TMEM117: variants seen among roughly 807,000 people sequenced by gnomAD.
TMEM117 encodes transmembrane protein 117.
A neutral mutation model predicts 52.4 loss-of-function variants in TMEM117; 27 were observed. The observed-to-expected ratio is 0.51, with a 90% CI of 0.38 to 0.71. The LOEUF (loss-of-function observed/expected upper bound fraction) is 0.71. TMEM117 is among the 30% of genes least tolerant of loss of function. The pLI is 0.00. For missense variants in TMEM117, 556 were observed against 630.5 expected, an observed-to-expected ratio of 0.88 and a Z score of 1.26; for synonymous variants, 215 against 206.3, an observed-to-expected ratio of 1.04 and a Z score of -0.36.
intron 6 of TMEM117, among the ~76,000 whole-genome samples, chr12:44,305,466 G>A (rs1404428558): frequency 2.0e-5 from 3 of 149,534 alleles, no homozygotes; most frequent in African/African-American, 7.4e-5. Context: ...GCAAAAAACA[G>A]ATAATCCCAT....
At chr12:43,814,341 G>T in the TMEM117 span, among the ~76,000 whole-genome samples, 54 of 152,152 alleles carry the variant, frequency 3.5e-4, no homozygotes, top group Middle Eastern at 6.8e-3. Context: ...ATTGGTTTTG[G>T]TGTTTCATCT....
At chr12:44,153,029 G>A (rs75740873) in intron 4 of TMEM117, among the ~76,000 whole-genome samples, 1,650 of 151,488 alleles carry the variant, frequency 0.011, 27 homozygotes, top group East Asian at 0.057. Context: ...ATGTTCAGGG[G>A]AGTCATTCGA....
intron 3 of TMEM117, among the ~76,000 whole-genome samples, chr12:43,956,330 G>A (rs1461530780): frequency 4.6e-5 from 7 of 152,116 alleles, no homozygotes; most frequent in Non-Finnish European, 1.0e-4. Flanking sequence ...CACAGTGAAT[G>A]AAACTATCAT....
chr12:44,261,087 G>A (rs1404234098), intron 5 of TMEM117, among the ~76,000 whole-genome samples: 1 of 152,046 alleles, frequency 6.6e-6, no homozygotes, highest in East Asian at 1.9e-4. Flanking sequence ...TTACATTAAT[G>A]CGTATTGGAT....
the TMEM117 span, among the ~76,000 whole-genome samples, chr12:43,808,190 G>T: frequency 3.6e-4 from 55 of 152,330 alleles, no homozygotes; most frequent in African/African-American, 1.3e-3. Context: ...CAACTTGGTT[G>T]TCACCTCTGC....
At chr12:43,970,721 G>A (rs756370879) in intron 3 of TMEM117, among the ~76,000 whole-genome samples, 17 of 152,134 alleles carry the variant, frequency 1.1e-4, no homozygotes, top group Non-Finnish European at 2.2e-4. Context: ...GGTTTCGGGC[G>A]TCCATTGGTG....
chr12:44,062,940 G>T (rs572100865), intron 3 of TMEM117, among the ~76,000 whole-genome samples: 1 of 152,170 alleles, frequency 6.6e-6, no homozygotes, highest in Non-Finnish European at 1.5e-5. Flanking sequence ...ATGACTTTAA[G>T]ATGTAAACCT....
chr12:43,916,144 T>C (rs1449642619), intron 2 of TMEM117, among the ~76,000 whole-genome samples: 3 of 152,140 alleles, frequency 2.0e-5, no homozygotes, highest in Non-Finnish European at 4.4e-5. Context: ...GGAGGGAGAA[T>C]GTTAGAAGGG....
chr12:43,806,170 C>G, the TMEM117 span: 1 of 1,537,056 alleles, frequency 6.5e-7, no homozygotes, highest in Non-Finnish European at 8.7e-7. Context: ...TCCCGGCTCT[C>G]CCGGCTCTCC....
intron 4 of TMEM117, among the ~76,000 whole-genome samples, chr12:44,196,586 A>G (rs144016209): frequency 6.6e-6 from 1 of 152,316 alleles, no homozygotes; most frequent in East Asian, 1.9e-4. Context: ...TCTTAAAAAT[A>G]TGTCCTAAAG....
chr12:43,833,957 G>A (rs1592292558), upstream of TMEM117, among the ~76,000 whole-genome samples: 1 of 152,240 alleles, frequency 6.6e-6, no homozygotes, highest in South Asian at 2.1e-4. Context: ...GCCAGGTGTG[G>A]TGGTGTGTGC....
intron 2 of TMEM117, among the ~76,000 whole-genome samples, chr12:43,852,371 C>T (rs151267396): frequency 0.094 from 14,304 of 152,110 alleles, 2,022 homozygotes; most frequent in African/African-American, 0.31. Context: ...GCAGAGCTTT[C>T]AGTGAGCCGA....
intron 2 of TMEM117, among the ~76,000 whole-genome samples, chr12:43,923,296 A>C (rs962668102): frequency 6.6e-6 from 1 of 152,200 alleles, no homozygotes; most frequent in Non-Finnish European, 1.5e-5. Flanking sequence ...GATTTATCCC[A>C]ACATATTTGT....
intron 3 of TMEM117, among the ~76,000 whole-genome samples, chr12:43,985,693 G>A (rs968962698): frequency 2.6e-5 from 4 of 152,090 alleles, no homozygotes; most frequent in Non-Finnish European, 5.9e-5. Flanking sequence ...TCAAGATGTT[G>A]GTAAGCAAAT....
chr12:44,084,347 T>C (rs573325965), intron 3 of TMEM117, among the ~76,000 whole-genome samples: 1 of 152,336 alleles, frequency 6.6e-6, no homozygotes, highest in Admixed American at 6.5e-5. Flanking sequence ...AAGCCATTAC[T>C]ACCATATCTG....
intron 3 of TMEM117, among the ~76,000 whole-genome samples, chr12:43,982,845 A>G (rs1252103975): frequency 6.6e-6 from 1 of 152,326 alleles, no homozygotes; most frequent in South Asian, 2.1e-4. Context: ...CTTGAGCTAT[A>G]CAAATTTCCC....
At chr12:43,983,415 G>A (rs1945792139) in intron 3 of TMEM117, among the ~76,000 whole-genome samples, 1 of 151,914 alleles carries the variant, frequency 6.6e-6, no homozygotes, top group African/African-American at 2.4e-5. Context: ...ATACAGCGAG[G>A]TGTAATACAC....
intron 5 of TMEM117, among the ~76,000 whole-genome samples, chr12:44,288,063 T>A (rs1950658812): frequency 6.6e-6 from 1 of 152,316 alleles, no homozygotes; most frequent in Non-Finnish European, 1.5e-5. Flanking sequence ...AACTGAGCCC[T>A]GGCTCTTTAA....
chr12:44,035,064 C>A (rs941615600), intron 3 of TMEM117, among the ~76,000 whole-genome samples: 1 of 152,198 alleles, frequency 6.6e-6, no homozygotes, highest in Non-Finnish European at 1.5e-5. Context: ...GGCTTTCAGA[C>A]CTGGACTGAA....
Sources: gnomAD v4.1 joint callset for allele counts (sites outside exome capture counted in the v4.1 genomes callset) on GRCh38, gnomAD v4.1.1 for gene constraint, MANE v1.5 for transcripts, NCBI Gene and HGNC (gene_info 2026-07-23, HGNC 2026-07-21) for gene names.